VWF: variants seen among roughly 807,000 people sequenced by gnomAD.
VWF encodes the protein Factor VIII related antigen.
Under a neutral mutation model 308.6 loss-of-function variants are expected in VWF, and 176 were observed. The ratio of observed to expected loss-of-function variants is 0.57; its 90% confidence interval spans 0.50 to 0.65. The LOEUF (loss-of-function observed/expected upper bound fraction) is 0.65. Ranked by LOEUF, VWF falls within the 30% of genes least tolerant of loss-of-function variation. VWF has a pLI of 0.00. For missense variants in VWF, 3,146 were observed against 3,648.2 expected (o/e 0.86, Z 3.55); for synonymous variants, 1,385 against 1,443.4 (o/e 0.96, Z 0.92).
intron 9 of VWF, 38 bp downstream of exon 9, chr12:6,072,293 G>T: frequency 6.3e-7 from 1 of 1,595,326 alleles, no homozygotes. Context: ...CAGTCCCCCA[G>T]GCAGGTCTCC....
In VWF at chr12:6,016,156, C is replaced by A; in HGVS notation, c.5388G>T (p.Val1796=). ...HGARPGASKA[V]VILVTDVSVD... Reference sequence around the variant, plus strand: ...CAGAGACGTCCGTGACCAGGATGACCACCGCCTTTGAGGCTCCCGGCCTGG... The same window carrying A: ...CAGAGACGTCCGTGACCAGGATGACAACCGCCTTTGAGGCTCCCGGCCTGG... The change falls in exon 31 of 52, where the codon GTG becomes GTT. Residue 1796 remains valine (V), a synonymous_variant. Coordinates refer to ENST00000261405, the MANE Select transcript of VWF (RefSeq NM_000552.5). 4 of 1,614,204 alleles carry A rather than the reference C, an allele frequency of 2.5e-6. No individual in the cohort carries two copies. The highest frequency in any genetic ancestry group is 3.4e-6 in the Non-Finnish European group (4 of 1,180,044).
intron 44 of VWF, 77 bp downstream of exon 44, chr12:5,971,522 G>T: frequency 8.2e-7 from 1 of 1,214,520 alleles, no homozygotes. Context: ...CAGGGAATGA[G>T]ATGAAACCAA....
intron 21 of VWF, 46 bp downstream of exon 21, chr12:6,031,398 A>C (rs923871429): frequency 6.2e-7 from 1 of 1,614,038 alleles, no homozygotes; most frequent in Non-Finnish European, 8.5e-7. Context: ...ATTAAGTGGC[A>C]GAAGCACAAA....
chr12:6,075,462 C>T lies in VWF; in HGVS notation c.747G>A (p.Leu249=). ...CACACTCACACAAAGTCTTCTCACA[C>T]AGGGCCACAAAAGGCTCGGGGTCCA... The part of the protein sequence containing the change: ...PLVDPEPFVA[L]CEKTLCECAG... The change falls in exon 7 of 52, where the codon CTG becomes CTA. Residue 249 remains leucine, a synonymous_variant. Transcript: ENST00000261405. This position sits in a 1 kb window ranked among gnomAD's most constrained non-coding sequence, Gnocchi z 4.7. 1 of 1,614,240 alleles carries T rather than the reference C, an allele frequency of 6.2e-7. No individual in the cohort carries two copies. The highest frequency in any genetic ancestry group is 8.5e-7 in the Non-Finnish European group (1 of 1,180,044).
At chr12:6,006,073 C>A (rs1427446074) in intron 34 of VWF, among the ~76,000 whole-genome samples, 1 of 152,020 alleles carries the variant, frequency 6.6e-6, no homozygotes, top group Non-Finnish European at 1.5e-5. Context: ...AATGAATACA[C>A]AACATTAAAA....
chr12:5,980,200 G>C (rs1943588477), intron 42 of VWF, among the ~76,000 whole-genome samples: 1 of 67,414 alleles, frequency 1.5e-5, no homozygotes, highest in African/African-American at 5.6e-5. Context: ...GGAAGGAAGT[G>C]ACGTAGGTAG....
chr12:6,118,558 T>C (rs1945394546), intron 3 of VWF, among the ~76,000 whole-genome samples: 1 of 151,876 alleles, frequency 6.6e-6, no homozygotes, highest in African/African-American at 2.4e-5. Flanking sequence ...GGCTAATTTT[T>C]GTATTTTTAG....
chr12:5,984,126 C>A (rs1405658093), intron 40 of VWF, among the ~76,000 whole-genome samples: 5 of 152,174 alleles, frequency 3.3e-5, no homozygotes, highest in African/African-American at 4.8e-5. Context: ...ATCCTCTAGA[C>A]CTGTTTCTTC....
chr12:5,987,743 A>G (rs1943695274), intron 38 of VWF, among the ~76,000 whole-genome samples: 1 of 152,266 alleles, frequency 6.6e-6, no homozygotes, highest in Non-Finnish European at 1.5e-5. Context: ...CCAGGCAGAA[A>G]AGAAGTGCGT....
chr12:6,081,334 TTTTTG>T (rs1047176422), intron 6 of VWF, among the ~76,000 whole-genome samples: 5 of 151,200 alleles, frequency 3.3e-5, no homozygotes, highest in South Asian at 2.1e-4. Context: ...CCAGTGGTGT[TTTTTG>T]TTTTGTTTTG....
chr12:6,050,587 G>A (rs1018613229), intron 16 of VWF, among the ~76,000 whole-genome samples: 51 of 152,152 alleles, frequency 3.4e-4, no homozygotes, highest in African/African-American at 1.1e-3. Context: ...TATAGCATGC[G>A]TTCATGCCAG....
rs759819747 is a variant in VWF at position 6,056,986 on chromosome 12, G to A, written c.1816C>T (p.Arg606Trp). ...GAGCACACGTCGTAGCGGCAGTTCC[G>A]CAGGTAGGGCAGCGGGCTGACGGCA... ...HRAVSPLPYL[R>W]NCRYDVCSCS... is the part of the protein sequence containing the mutation. Residue 606 changes from arginine to tryptophan, a missense_variant, in exon 15 of 52, where the codon CGG (arginine) becomes TGG (tryptophan). By Grantham distance (101) the Arg-to-Trp change is moderately radical. This residue lies in a region of VWF where 1,304 missense variants were observed against 1,353.0 expected (regional missense o/e 0.96). Coordinates refer to ENST00000261405, the MANE Select transcript of VWF (RefSeq NM_000552.5). 6.5e-6 allele frequency: 10 copies of A among 1,545,140 alleles called. No homozygotes were observed. Among genetic ancestry groups the A allele is most frequent in the African/African-American group, 1.4e-5 (1 of 73,546 alleles).
chr12:6,065,123 C>G lies in VWF; in HGVS notation c.1293+14G>C. 1.2e-6 allele frequency: 2 copies of G among 1,614,166 alleles called. No homozygotes were observed. The highest frequency in any genetic ancestry group is 1.7e-6 in the Non-Finnish European group (2 of 1,180,046). On this transcript the variant is annotated intron_variant, in intron 11 of 51. Transcript: ENST00000261405. ...GGCTACCACCCGACCAGCAGCCGGG[C>G]TGGCAAAGCTCACCTGGACAGTCTC...
At chr12:5,985,538 G>GCAC (rs1409297857) in intron 39 of VWF, 25 bp downstream of exon 39, 5 of 1,609,544 alleles carry the variant, frequency 3.1e-6, no homozygotes. Context: ...CTCCATGAAG[G>GCAC]CACCAGGGAG....
chr12:5,952,788 G>A (rs528923460), intron 48 of VWF, among the ~76,000 whole-genome samples: 1 of 151,976 alleles, frequency 6.6e-6, no homozygotes, highest in Non-Finnish European at 1.5e-5. Context: ...CAGTAAACTG[G>A]CTAGCTGATA....
At chr12:6,122,931 C>T (rs1378372184) in intron 2 of VWF, 2 of 752,494 alleles carry the variant, frequency 2.7e-6, no homozygotes, top group Non-Finnish European at 4.9e-6. Context: ...CTTCTTAATT[C>T]CCCAACAGGA....
intron 6 of VWF, among the ~76,000 whole-genome samples, chr12:6,090,839 C>T (rs1474545521): frequency 6.6e-6 from 1 of 152,224 alleles, no homozygotes; most frequent in African/African-American, 2.4e-5. Flanking sequence ...CAAACCCACA[C>T]CCTTAGCACC....
rs1303426638 is a variant in VWF, at chr12:6,110,240, G to A, written c.532+134C>T. On this transcript the variant is annotated intron_variant, in intron 5 of 51. Transcript: ENST00000261405. Reference sequence around the variant, plus strand: ...ATTGGAATGGAATGCAAAGAGATAAGGTTGGCAACATAAATTGAGGTGAGG... The same window carrying A: ...ATTGGAATGGAATGCAAAGAGATAAAGTTGGCAACATAAATTGAGGTGAGG... 8 of 954,620 alleles carry A rather than the reference G, an allele frequency of 8.4e-6. No individual in the cohort carries two copies. In the East Asian group the frequency reaches 9.6e-5, roughly 11 times the overall value. 59.1% of individuals were successfully genotyped at this position (954,620 alleles called of 1,614,324 possible). A position where few individuals can be genotyped will look rare whatever the true frequency, so the allele number is the denominator to read the frequency against.
At chr12:5,996,247 G>C (rs1943807680) in intron 34 of VWF, 25 bp from the exon 35 acceptor site, 1 of 1,592,794 alleles carries the variant, frequency 6.3e-7, no homozygotes, top group Non-Finnish European at 8.6e-7. Context: ...GCAGAGGATG[G>C]ATGCGACGTT....
Sources: allele counts gnomAD v4.1 joint callset (sites outside exome capture counted in the v4.1 genomes callset), GRCh38; gene constraint gnomAD v4.1.1; regional missense constraint gnomAD v4.1.1; non-coding constraint Gnocchi (gnomAD v3.1); transcripts MANE v1.5; gene names NCBI Gene and HGNC (gene_info 2026-07-23, HGNC 2026-07-21).